SCAF11: variants seen among roughly 807,000 people sequenced by gnomAD.
SCAF11 encodes the protein SR-related CTD associated factor 11, also known as protein SCAF11.
Under a neutral mutation model 140.5 loss-of-function variants are expected in SCAF11, and 47 were observed. That is an observed-to-expected ratio of 0.33 (90% CI 0.26 to 0.43). The LOEUF is 0.43. Among genes scored for constraint, SCAF11 ranks in the 20% least tolerant of loss-of-function variants. SCAF11 has a pLI of 1.00. For synonymous variants in SCAF11, 557 were observed against 579.4 expected, an observed-to-expected ratio of 0.96 and a Z score of 0.55; for missense variants, 1,645 against 1,705.1, an observed-to-expected ratio of 0.96 and a Z score of 0.62.
At chr12:45,975,031 C>T (rs1407583394) in intron 1 of SCAF11, 3 of 152,158 alleles carry the variant, frequency 2.0e-5, no homozygotes, top group South Asian at 2.1e-4. Flanking sequence ...TGGATGGCTA[C>T]GTGCACTGTC....
chr12:45,987,901 T>C (rs540043379), intron 1 of SCAF11, among the ~76,000 whole-genome samples: 5 of 152,052 alleles, frequency 3.3e-5, no homozygotes, highest in Non-Finnish European at 7.3e-5. Flanking sequence ...AGTGGTTGTG[T>C]TTTTACGTTA....
At chr12:45,943,115 A>G (rs1046350253) in intron 6 of SCAF11, among the ~76,000 whole-genome samples, 1 of 152,216 alleles carries the variant, frequency 6.6e-6, no homozygotes, top group African/African-American at 2.4e-5. Flanking sequence ...ATCTATTTCA[A>G]TATAGGAAGA....
At chr12:45,990,609 C>T, upstream of SCAF11, 3 of 1,221,994 alleles carry the variant, frequency 2.5e-6, no homozygotes, top group Non-Finnish European at 1.0e-6. Context: ...TCCTCCCTCC[C>T]CTCCCCTCCC....
chr12:45,961,378 T>C (rs1945822518), intron 3 of SCAF11: 1 of 710,924 alleles, frequency 1.4e-6, no homozygotes, highest in Non-Finnish European at 2.6e-6. Flanking sequence ...TAAACAGATA[T>C]TATCCTATTA....
At chr12:45,966,433 T>G (rs1945949815) in intron 1 of SCAF11, among the ~76,000 whole-genome samples, 1 of 151,768 alleles carries the variant, frequency 6.6e-6, no homozygotes, top group Admixed American at 6.6e-5. Flanking sequence ...TACCTTTATG[T>G]TCTAGTGGGG....
chr12:45,973,844 G>A (rs909593236), intron 1 of SCAF11, among the ~76,000 whole-genome samples: 2 of 152,164 alleles, frequency 1.3e-5, no homozygotes, highest in Non-Finnish European at 2.9e-5. Flanking sequence ...ATTCTTAAAT[G>A]AAGTTGTGTC....
chr12:45,960,799 C>A (rs1565681773), intron 3 of SCAF11: 2 of 152,012 alleles, frequency 1.3e-5, no homozygotes, highest in Non-Finnish European at 2.9e-5. Flanking sequence ...CTTTGAAAAC[C>A]CCAATTATGT....
intron 1 of SCAF11, among the ~76,000 whole-genome samples, chr12:45,972,892 A>AGATATATC (rs1946117029): frequency 6.7e-5 from 1 of 14,848 alleles, no homozygotes; most frequent in Non-Finnish European, 1.2e-4. Context: ...ATATATATAT[A>AGATATATC]GATATATATA....
At chr12:45,962,490 T>C (rs1014402420) in intron 2 of SCAF11, among the ~76,000 whole-genome samples, 32 of 152,172 alleles carry the variant, frequency 2.1e-4, no homozygotes, top group African/African-American at 6.0e-4. Context: ...AACAAATTAT[T>C]CTCCTTAGGA....
At chr12:45,977,852 A>G (rs1487362479) in intron 1 of SCAF11, among the ~76,000 whole-genome samples, 1 of 152,160 alleles carries the variant, frequency 6.6e-6, no homozygotes, top group Non-Finnish European at 1.5e-5. Context: ...TATAACCTGT[A>G]CAGACACAGA....
chr12:45,969,920 C>G (rs140712427), intron 1 of SCAF11, among the ~76,000 whole-genome samples: 1 of 151,822 alleles, frequency 6.6e-6, no homozygotes, highest in Admixed American at 6.6e-5. Flanking sequence ...TTTCTTAAGA[C>G]GGAGTCTCGC....
chr12:45,954,942 T>C (rs920763870), intron 3 of SCAF11: 61 of 151,132 alleles, frequency 4.0e-4, no homozygotes, highest in African/African-American at 1.4e-3. Flanking sequence ...TCCCCCCCTT[T>C]TTTTTCCTTA....
At chr12:45,966,370 A>C (rs955583218) in intron 1 of SCAF11, among the ~76,000 whole-genome samples, 1 of 151,880 alleles carries the variant, frequency 6.6e-6, no homozygotes, top group Non-Finnish European at 1.5e-5. Context: ...GATTTATAGA[A>C]TACTATAGGT....
chr12:45,925,176 TAGGCTCAG>T, intron 11 of SCAF11, 102 bp from the exon 12 acceptor site: 1 of 802,036 alleles, frequency 1.2e-6, no homozygotes, highest in Non-Finnish European at 1.9e-6. Flanking sequence ...TAGCAATTAA[TAGGCTCAG>T]TATACCAATA....
At chr12:45,953,102 A>C (rs1945589316) in intron 3 of SCAF11, among the ~76,000 whole-genome samples, 1 of 152,204 alleles carries the variant, frequency 6.6e-6, no homozygotes, top group Non-Finnish European at 1.5e-5. Context: ...TGAATTAGGA[A>C]ATGTGACCTT....
rs1240084545 is a variant in SCAF11, at chr12:45,926,564, T to G, written c.3137A>C (p.His1046Pro). The G allele has an allele frequency of 1.2e-6, 2 of 1,613,236 alleles. No homozygotes were observed. Among genetic ancestry groups the G allele is most frequent in the South Asian group, 2.2e-5 (2 of 90,852 alleles). The change falls in exon 11 of 15, where the codon CAT becomes CCT. Residue 1046 changes from histidine (H) to proline (P), a missense_variant. This residue lies in a region of SCAF11 where 1,582 missense variants were observed against 1,609.2 expected (regional missense o/e 0.98). Transcript: ENST00000369367. ...ATTTTCATTTCTATTTTCTTCCCAA[T>G]GAGACTCTTTCAACTTTTCTGGATT... ...TRNPEKLKES[H>P]WEENRNENSG...
rs143856565 is a variant in SCAF11 at position 45,934,598 on chromosome 12, T to C, written c.464-93A>G. ...ATCGATACCAGCACATTGGCAAGGG[T>C]TGAAATACGTAGAAAAGCTGTATTT... is the stretch of plus-strand genomic sequence containing the variant. On this transcript the variant is annotated intron_variant, in intron 6 of 14. Transcript: ENST00000369367. 9.8e-6 allele frequency: 7 copies of C among 713,178 alleles called. No homozygotes were observed. The African/African-American group carries it at 1.3e-4, about 13-fold the overall frequency. The allele number at this position is 713,178 out of a possible 1,614,324, so 44.2% of individuals were successfully genotyped here.
intron 1 of SCAF11, chr12:45,975,036 ACTG>A (rs1414606884): frequency 6.6e-6 from 1 of 152,196 alleles, no homozygotes; most frequent in Non-Finnish European, 1.5e-5. Context: ...GGCTACGTGC[ACTG>A]TCAATAAGTA....
chr12:45,946,246 G>A (rs1945420771), intron 5 of SCAF11, among the ~76,000 whole-genome samples: 1 of 152,270 alleles, frequency 6.6e-6, no homozygotes, highest in East Asian at 1.9e-4. Flanking sequence ...CAGAAACAGA[G>A]AGGTCCCAGG....
Sources: allele counts gnomAD v4.1 joint callset (sites outside exome capture counted in the v4.1 genomes callset), GRCh38; gene constraint gnomAD v4.1.1; regional missense constraint gnomAD v4.1.1; transcripts MANE v1.5; gene names NCBI Gene and HGNC (gene_info 2026-07-23, HGNC 2026-07-21).